Variants in ADAMTS2 observed in about 807,000 individuals in gnomAD.
The protein encoded by ADAMTS2 is A disintegrin and metalloproteinase with thrombospondin motifs 2.
ADAMTS2 carries 50 observed loss-of-function variants against 123.0 expected under a neutral mutation model. The ratio of observed to expected loss-of-function variants is 0.41; its 90% CI spans 0.32 to 0.51. ADAMTS2 has a LOEUF of 0.51. ADAMTS2 is among the 20% of genes least tolerant of loss of function. The pLI is 0.35. For synonymous variants in ADAMTS2, 678 were observed against 695.4 expected, an observed-to-expected ratio of 0.98 and a Z score of 0.39; for missense variants, 1,494 against 1,705.2, an observed-to-expected ratio of 0.88 and a Z score of 2.18.
rs746389262 is a variant in ADAMTS2, at chr5:179,185,484, G to A, written c.892-4329C>T. On this transcript the variant is annotated intron_variant, in intron 4 of 21. Coordinates refer to ENST00000251582, the MANE Select transcript of ADAMTS2 (RefSeq NM_014244.5). The surrounding 1 kb of genome is among the most constrained non-coding windows in gnomAD (Gnocchi z 5.9). ...CTGGCCAGGCCCTGCCCCTCAGGAC[G>A]CAAGATCTTCCCACTCTCCTAGCCC... Among the ~76,000 whole-genome samples the A allele has an allele frequency of 2.6e-5, 4 of 152,070 alleles. No individual in the cohort carries two copies. The highest frequency in any genetic ancestry group is 1.3e-4 in the Admixed American group (2 of 15,278).
intron 3 of ADAMTS2, among the ~76,000 whole-genome samples, chr5:179,266,853 C>T (rs79046171): frequency 2.6e-3 from 392 of 152,334 alleles, no homozygotes; most frequent in African/African-American, 8.2e-3. Context: ...GGATGAGTCT[C>T]GCCTGCTCCC....
chr5:179,288,681 G>A (rs1368525668), intron 2 of ADAMTS2, among the ~76,000 whole-genome samples: 2 of 152,224 alleles, frequency 1.3e-5, no homozygotes, highest in East Asian at 1.9e-4. Flanking sequence ...CCGGAGCAGC[G>A]AGGCCAGCAA....
In ADAMTS2 at chr5:179,181,485, C is replaced by A. The variant is rs1037902604; in HGVS notation, c.892-330G>T. On this transcript the variant is annotated intron_variant, in intron 4 of 21. Transcript: ENST00000251582. This position sits in a 1 kb window ranked among gnomAD's most constrained non-coding sequence, Gnocchi z 4.1. Reference sequence around the variant, plus strand: ...CTGTAGCCTCCAGCTGAAACACAACCTTCCCTTCAACAGTGAACGTGGGTG... The same window carrying A: ...CTGTAGCCTCCAGCTGAAACACAACATTCCCTTCAACAGTGAACGTGGGTG... Among the ~76,000 whole-genome samples the A allele has an allele frequency of 6.6e-6, 1 of 152,138 alleles. No homozygotes were observed. Among genetic ancestry groups the A allele is most frequent in the African/African-American group, 2.4e-5 (1 of 41,424 alleles).
intron 3 of ADAMTS2, among the ~76,000 whole-genome samples, chr5:179,208,740 C>A (rs532177894): frequency 6.6e-6 from 1 of 152,264 alleles, no homozygotes; most frequent in Admixed American, 6.5e-5. Context: ...GCCCCCCAAG[C>A]CCCAGTGTCC....
At chr5:179,290,134 TG>T (rs1756144515) in intron 2 of ADAMTS2, among the ~76,000 whole-genome samples, 1 of 152,140 alleles carries the variant, frequency 6.6e-6, no homozygotes, top group Non-Finnish European at 1.5e-5. Flanking sequence ...TGTTGGAAGG[TG>T]GGGCCTGGGG....
At chr5:179,139,718 CT>C (rs879794344) in intron 11 of ADAMTS2, among the ~76,000 whole-genome samples, 171 bp downstream of exon 11, 1 of 152,172 alleles carries the variant, frequency 6.6e-6, no homozygotes, top group Non-Finnish European at 1.5e-5. Context: ...TAAGCGTCCC[CT>C]GAGCCGTCAC....
intron 2 of ADAMTS2, among the ~76,000 whole-genome samples, chr5:179,280,458 C>T (rs74713493): frequency 0.048 from 7,262 of 152,284 alleles, 340 homozygotes; most frequent in East Asian, 0.22. Context: ...ACTGCTTATC[C>T]TGTTTATTCA....
At chr5:179,253,184 C>T (rs906505435) in intron 3 of ADAMTS2, among the ~76,000 whole-genome samples, 6 of 152,092 alleles carry the variant, frequency 3.9e-5, no homozygotes, top group African/African-American at 1.4e-4. Context: ...GGGTTTGTCT[C>T]GTTTGTCAGA....
At chr5:179,213,937 A>T (rs906467984) in intron 3 of ADAMTS2, among the ~76,000 whole-genome samples, 1 of 152,262 alleles carries the variant, frequency 6.6e-6, no homozygotes, top group African/African-American at 2.4e-5. Flanking sequence ...CTGATACAGC[A>T]TTAGGTAGGG....
rs1280952779 is a variant in ADAMTS2 at position 179,228,437 on chromosome 5, G to A, written c.689-20722C>T. On this transcript the variant is annotated intron_variant, in intron 3 of 21. Coordinates refer to ENST00000251582, the MANE Select transcript of ADAMTS2 (RefSeq NM_014244.5). This position sits in a 1 kb window ranked among gnomAD's most constrained non-coding sequence, Gnocchi z 5.2. ...TCCAGCCAGCAGGGCAGAATTGGGGGTGGACTTGCCCCAGCCTGAAGACCT... is the reference window on the plus strand; with the variant it reads ...TCCAGCCAGCAGGGCAGAATTGGGGATGGACTTGCCCCAGCCTGAAGACCT... 6.6e-6 allele frequency among the ~76,000 whole-genome samples: 1 copy of A among 152,204 alleles called. No individual in the cohort carries two copies. The highest frequency in any genetic ancestry group is 6.5e-5 in the Admixed American group (1 of 15,288).
rs1863918 is a variant in ADAMTS2 at position 179,112,381 on chromosome 5, G to T, written c.*1486C>A. On this transcript the variant is annotated 3_prime_UTR_variant, in exon 22 of 22. Coordinates refer to ENST00000251582, the MANE Select transcript of ADAMTS2 (RefSeq NM_014244.5). ...AAGCTTCACGTTCACAAAATGTCAAGGCAGTGAGAGGTAAAAATGAGCCAC... is the reference window on the plus strand; with the variant it reads ...AAGCTTCACGTTCACAAAATGTCAATGCAGTGAGAGGTAAAAATGAGCCAC... 0.25 allele frequency: 38,678 copies of T among 152,122 alleles called. 5,599 individuals are homozygous for T. The highest frequency in any genetic ancestry group is 0.38 in the South Asian group (1,808 of 4,818). 9.4% of individuals were successfully genotyped at this position (152,122 alleles called of 1,614,324 possible). A position where few individuals can be genotyped will look rare whatever the true frequency, so the allele number is the denominator to read the frequency against.
chr5:179,299,138 G>A (rs1756426606), intron 2 of ADAMTS2, among the ~76,000 whole-genome samples: 1 of 151,854 alleles, frequency 6.6e-6, no homozygotes, highest in South Asian at 2.1e-4. Flanking sequence ...TAGCATGAGT[G>A]ACAAGATCTC....
intron 5 of ADAMTS2, among the ~76,000 whole-genome samples, chr5:179,167,614 G>C (rs576247913): frequency 2.6e-4 from 40 of 152,290 alleles, no homozygotes; most frequent in Non-Finnish European, 3.8e-4. Context: ...TGCCTGCTGG[G>C]CAAGGCGCAC....
intron 2 of ADAMTS2, among the ~76,000 whole-genome samples, chr5:179,309,665 G>A (rs1348815106): frequency 1.3e-5 from 2 of 150,196 alleles, no homozygotes; most frequent in East Asian, 3.9e-4. Flanking sequence ...GGCTAAGGCA[G>A]GAGAATCGCT....
chr5:179,142,265 G>A (rs1388204460), intron 10 of ADAMTS2, among the ~76,000 whole-genome samples: 3 of 152,202 alleles, frequency 2.0e-5, no homozygotes, highest in Non-Finnish European at 4.4e-5. Context: ...CCAGCTACAG[G>A]TTGAGTGTCC....
At chr5:179,134,730 C>T (rs1763022090) in intron 13 of ADAMTS2, among the ~76,000 whole-genome samples, 1 of 150,686 alleles carries the variant, frequency 6.6e-6, no homozygotes. Context: ...CTCCCGGCTC[C>T]AGCTCCAGCT....
In ADAMTS2 at chr5:179,158,285, A is replaced by G. The variant is rs774308210; in HGVS notation, c.1132+438T>C. On this transcript the variant is annotated intron_variant, in intron 6 of 21. Coordinates refer to ENST00000251582, the MANE Select transcript of ADAMTS2 (RefSeq NM_014244.5). The surrounding 1 kb of genome is among the most constrained non-coding windows in gnomAD (Gnocchi z 5.0). ...CGGCCTTTTGTCTCTTTTTAAAGAA[A>G]ACATCTCTTACTCCAAGAACATGGA... 5.3e-5 allele frequency among the ~76,000 whole-genome samples: 8 copies of G among 152,160 alleles called. No homozygotes were observed. Among genetic ancestry groups the G allele is most frequent in the Non-Finnish European group, 1.2e-4 (8 of 68,036 alleles).
At chr5:179,124,287 C>T (rs1384348649) in intron 19 of ADAMTS2, among the ~76,000 whole-genome samples, 2 of 152,150 alleles carry the variant, frequency 1.3e-5, no homozygotes, top group Non-Finnish European at 1.5e-5. Context: ...TCAGAGCTCA[C>T]GTCAGCTCTG....
At chr5:179,209,972 G>A (rs879474316) in intron 3 of ADAMTS2, among the ~76,000 whole-genome samples, 22 of 152,272 alleles carry the variant, frequency 1.4e-4, no homozygotes, top group Admixed American at 2.6e-4. Context: ...CGGTGCCCTC[G>A]GCAAAACCAG....
Sources: gnomAD v4.1 joint callset for allele counts (sites outside exome capture counted in the v4.1 genomes callset) on GRCh38, gnomAD v4.1.1 for gene constraint, Gnocchi (gnomAD v3.1) non-coding constraint, MANE v1.5 for transcripts, NCBI Gene and HGNC (gene_info 2026-07-23, HGNC 2026-07-21) for gene names.